DDX52: variants seen among roughly 807,000 people sequenced by gnomAD.
DDX52 encodes DExD-box helicase 52, also known as probable ATP-dependent RNA helicase DDX52.
In DDX52, 59 loss-of-function variants were observed where a neutral mutation model predicts 76.1. That is an observed-to-expected ratio of 0.78 (90% CI 0.63 to 0.96). The LOEUF (loss-of-function observed/expected upper bound fraction) is 0.96, where lower values mean the gene tolerates loss of function less well. DDX52 is among the 40% of genes least tolerant of loss of function. The pLI is 0.00. For synonymous variants in DDX52, 231 were observed against 244.1 expected, an observed-to-expected ratio of 0.95 and a Z score of 0.50; for missense variants, 707 against 703.9, an observed-to-expected ratio of 1.00 and a Z score of -0.05.
chr17:37,630,375 T>C (rs2030618796), intron 4 of DDX52, among the ~76,000 whole-genome samples: 1 of 152,218 alleles, frequency 6.6e-6, no homozygotes, highest in Non-Finnish European at 1.5e-5. Flanking sequence ...TGCCCTTAAA[T>C]TCCCTTTGAA....
At chr17:37,634,964 C>G (rs1392444445) in intron 2 of DDX52, among the ~76,000 whole-genome samples, 2 of 151,756 alleles carry the variant, frequency 1.3e-5, no homozygotes, top group African/African-American at 4.8e-5. Flanking sequence ...CCATGTCCAG[C>G]TAATTTTTGT....
At chr17:37,633,475 A>C in intron 2 of DDX52, 57 bp from the exon 3 acceptor site, 1 of 1,341,222 alleles carries the variant, frequency 7.5e-7, no homozygotes, top group Non-Finnish European at 9.7e-7. Flanking sequence ...CATAGTGAGG[A>C]CCCGTCTCTT....
chr17:37,620,843 A>G, intron 12 of DDX52, 30 bp downstream of exon 12: 1 of 1,570,232 alleles, frequency 6.4e-7, no homozygotes, highest in Non-Finnish European at 8.6e-7. Flanking sequence ...CAATTTTGCC[A>G]ATAACACTAG....
Position 37,614,209 on chromosome 17 carries a change from T to A in DDX52, c.*87A>T. 1 of 1,365,538 alleles carries A rather than the reference T, an allele frequency of 7.3e-7. No individual in the cohort carries two copies. Among genetic ancestry groups the A allele is most frequent in the Non-Finnish European group, 1.0e-6 (1 of 982,326 alleles). 84.6% of individuals were successfully genotyped at this position (1,365,538 alleles called of 1,614,324 possible). On this transcript the variant is annotated 3_prime_UTR_variant, in exon 15 of 15. Transcript: ENST00000617633. ...ATTTCAAATGTTTGGTACAGGTGAC[T>A]GTAAGACTTCAAGTATTCCATGAAA... is the stretch of plus-strand genomic sequence containing the variant.
chr17:37,635,672 A>G (rs986051358), intron 2 of DDX52: 3 of 454,994 alleles, frequency 6.6e-6, no homozygotes, highest in Non-Finnish European at 1.3e-5. Context: ...AAATTTGTGT[A>G]CAAGTCTTCC....
chr17:37,617,777 A>G (rs796359892), intron 14 of DDX52, among the ~76,000 whole-genome samples: 23 of 152,338 alleles, frequency 1.5e-4, no homozygotes, highest in African/African-American at 5.3e-4. Flanking sequence ...AATATTTTCC[A>G]AGACGGAAAA....
chr17:37,629,007 C>T (rs1379372447), intron 5 of DDX52, among the ~76,000 whole-genome samples: 3 of 152,082 alleles, frequency 2.0e-5, no homozygotes, highest in Non-Finnish European at 4.4e-5. Flanking sequence ...CACTTGAGGC[C>T]AGGAGTTCCA....
chr17:37,628,642 CCTCA>C lies in DDX52; in HGVS notation c.774_777del (p.Gly260GlnfsTer7). On this transcript the variant is annotated frameshift_variant, in exon 6 of 15. Coordinates refer to ENST00000617633, the MANE Select transcript of DDX52 (RefSeq NM_007010.5). LOFTEE classifies it high-confidence loss of function. Reference sequence around the variant, plus strand: ...ATCATGTGTATTCTGAATCCTGTTCCCTCAGAAATTTTTATTAACTCTCTGTGAA... The same window carrying C: ...ATCATGTGTATTCTGAATCCTGTTCCGAAATTTTTATTAACTCTCTGTGAA... The C allele has an allele frequency of 6.2e-7, 1 of 1,601,342 alleles. No homozygotes were observed. Among genetic ancestry groups the C allele is most frequent in the Non-Finnish European group, 8.5e-7 (1 of 1,176,416 alleles).
At chr17:37,625,818 T>A (rs770126415) in intron 8 of DDX52, 77 bp downstream of exon 8, 18 of 1,526,560 alleles carry the variant, frequency 1.2e-5, no homozygotes, top group Non-Finnish European at 1.5e-5. Context: ...CCAAGAAACC[T>A]ATCTCCTTCA....
In DDX52 at chr17:37,626,010, C is replaced by A. The variant is rs2030353800; in HGVS notation, c.1021G>T (p.Ala341Ser). The A allele has an allele frequency of 6.2e-7, 1 of 1,614,054 alleles. No individual in the cohort carries two copies. Among genetic ancestry groups the A allele is most frequent in the Non-Finnish European group, 8.5e-7 (1 of 1,180,006 alleles). ...CTTCGGACCTTGTGGGATGTGCAGGCCAGGAAAATGGAAGCCAGCTGGTCT... is the reference window on the plus strand; with the variant it reads ...CTTCGGACCTTGTGGGATGTGCAGGACAGGAAAATGGAAGCCAGCTGGTCT... ...FRDQLASIFL[A>S]CTSHKVRRAM... is the part of the protein sequence containing the mutation. The change falls in exon 8 of 15, where the codon GCC becomes TCC. Residue 341 changes from alanine (A) to serine (S), a missense_variant. Ala to Ser is a moderately conservative substitution (Grantham distance 99). Transcript: ENST00000617633.
chr17:37,628,685 AGATT>A lies in DDX52; in HGVS notation c.748-17_748-14del. 6.6e-7 allele frequency: 1 copy of A among 1,523,976 alleles called. No individual in the cohort carries two copies. Among genetic ancestry groups the A allele is most frequent in the Non-Finnish European group, 8.9e-7 (1 of 1,118,586 alleles). 94.4% of individuals were successfully genotyped at this position (1,523,976 alleles called of 1,614,324 possible). A position where few individuals can be genotyped will look rare whatever the true frequency, so the allele number is the denominator to read the frequency against. ...ACTCTCTGTGAATCTAAAAAAAAAA[AGATT>A]AAAAACATTAGCTGCTAACATACTT... On this transcript the variant is annotated splice_polypyrimidine_tract_variant and intron_variant, in intron 5 of 14. Transcript: ENST00000617633.
Position 37,642,646 on chromosome 17 carries a change from G to C in DDX52, c.88-338C>G, listed in dbSNP as rs1598773943. The C allele has an allele frequency of 1.4e-5, 4 of 276,168 alleles. No individual in the cohort carries two copies. In the South Asian group the frequency reaches 1.6e-4, roughly 11 times the overall value. The allele number at this position is 276,168 out of a possible 1,614,324, so 17.1% of individuals were successfully genotyped here. A position where few individuals can be genotyped will look rare whatever the true frequency, so the allele number is the denominator to read the frequency against. The stretch of plus-strand genomic sequence containing the variant: ...GCATTCGGAAATTAAGTAACTTGAG[G>C]TAGGTCTAAAAATGAGTAACTGGCA... On this transcript the variant is annotated intron_variant, in intron 1 of 14. Coordinates refer to ENST00000617633, the MANE Select transcript of DDX52 (RefSeq NM_007010.5).
At position 37,621,386 on chromosome 17, in the gene DDX52, A is replaced by G. The variant is rs774531349; in HGVS notation, c.1350+12T>C. ...AGTTCTTCTGAGTTTCAAAGTATAT[A>G]TTTGACTTTACCTGTTGTTGTGTTC... On this transcript the variant is annotated intron_variant, in intron 10 of 14. Transcript: ENST00000617633. 1.2e-6 allele frequency: 2 copies of G among 1,608,164 alleles called. No homozygotes were observed. Among genetic ancestry groups the G allele is most frequent in the Non-Finnish European group, 1.7e-6 (2 of 1,178,252 alleles).
Position 37,626,052 on chromosome 17 carries a change from C to G in DDX52, c.979G>C (p.Gly327Arg). The G allele has an allele frequency of 6.2e-7, 1 of 1,614,056 alleles. No individual in the cohort carries two copies. Among genetic ancestry groups the G allele is most frequent in the Non-Finnish European group, 8.5e-7 (1 of 1,180,000 alleles). ...AGCTGGTCTCTGAACCCAGTTTTGC[C>G]ATCTTCAAACAGTTTATCTGATTCG... ...VDESDKLFED[G>R]KTGFRDQLAS... The change falls in exon 8 of 15, where the codon GGC becomes CGC. Residue 327 changes from glycine (G) to arginine (R), a missense_variant. Physicochemically the swap from Gly to Arg is moderately radical, Grantham distance 125. Coordinates refer to ENST00000617633, the MANE Select transcript of DDX52 (RefSeq NM_007010.5).
Position 37,621,431 on chromosome 17 carries a change from C to T in DDX52, c.1317G>A (p.Val439=). ...GTGTTCTCTCTGCATGAATAACATC[C>T]ACATTAATACCTTCATATATGAGCT... ...FHELIYEGIN[V]DVIHAERTQQ... Residue 439 remains valine, a synonymous_variant, in exon 10 of 15, where the codon GTG becomes GTA. Transcript: ENST00000617633. 1 of 1,613,394 alleles carries T rather than the reference C, an allele frequency of 6.2e-7. No individual in the cohort carries two copies. The highest frequency in any genetic ancestry group is 1.3e-5 in the African/African-American group (1 of 74,964).
At position 37,628,674 on chromosome 17, in the gene DDX52, TAA is replaced by T. The variant is rs748612808; in HGVS notation, c.748-4_748-3del. ...AATTTTTATTAACTCTCTGTGAATC[TAA>T]AAAAAAAAAGATTAAAAACATTAGC... is the stretch of plus-strand genomic sequence containing the variant. On this transcript the variant is annotated splice_polypyrimidine_tract_variant and splice_region_variant and intron_variant, in intron 5 of 14. Coordinates refer to ENST00000617633, the MANE Select transcript of DDX52 (RefSeq NM_007010.5). 1.2e-4 allele frequency: 153 copies of T among 1,278,466 alleles called. No individual in the cohort carries two copies. Among genetic ancestry groups the T allele is most frequent in the Admixed American group, 2.6e-4 (11 of 42,978 alleles). 79.2% of individuals were successfully genotyped at this position (1,278,466 alleles called of 1,614,324 possible). A position where few individuals can be genotyped will look rare whatever the true frequency, so the allele number is the denominator to read the frequency against.
Position 37,626,857 on chromosome 17 carries a change from A to G in DDX52, c.863T>C (p.Ile288Thr), listed in dbSNP as rs2030407189. The change falls in exon 7 of 15, where the codon ATT (isoleucine) becomes ACT (threonine). Residue 288 changes from isoleucine (I) to threonine (T), a missense_variant. Ile to Thr is a moderately conservative substitution (Grantham distance 89). Transcript: ENST00000617633. ...TAGTCGATTTGGAGTAGTCACAAGA[A>G]TATCTATAGGAAAAACAAATGGTAG... The part of the protein sequence containing the change: ...FGPKSSKKFD[I>T]LVTTPNRLIY... The G allele has an allele frequency of 3.7e-6, 6 of 1,609,834 alleles. No individual in the cohort carries two copies. The highest frequency in any genetic ancestry group is 5.1e-6 in the Non-Finnish European group (6 of 1,178,922).
chr17:37,626,907 C>T, intron 6 of DDX52, 47 bp from the exon 7 acceptor site: 2 of 1,512,154 alleles, frequency 1.3e-6, no homozygotes, highest in Middle Eastern at 1.7e-4. Context: ...GGATTTATCC[C>T]TCTTGAACTA....
chr17:37,631,810 T>A (rs1052314488), intron 4 of DDX52: 8 of 384,858 alleles, frequency 2.1e-5, no homozygotes, highest in Admixed American at 8.5e-5. Flanking sequence ...ATAAATATGA[T>A]TGGTGCGAAT....
Sources: gnomAD v4.1 joint callset for allele counts (sites outside exome capture counted in the v4.1 genomes callset) on GRCh38, gnomAD v4.1.1 for gene constraint, MANE v1.5 for transcripts, NCBI Gene and HGNC (gene_info 2026-07-23, HGNC 2026-07-21) for gene names.